ARL10: variants seen among roughly 807,000 people sequenced by gnomAD.
The protein encoded by ARL10 is ADP-ribosylation factor-like protein 10.
In ARL10, 23 loss-of-function variants were observed where a neutral mutation model predicts 26.1. The ratio of observed to expected loss-of-function variants is 0.88; its 90% confidence interval spans 0.63 to 1.25. The LOEUF is 1.25. Among genes scored for constraint, ARL10 ranks in the 50% most tolerant of loss-of-function variants. ARL10 has a pLI of 0.00. For missense variants in ARL10, 300 were observed against 323.6 expected (o/e 0.93, Z 0.56); for synonymous variants, 138 against 149.1 (o/e 0.93, Z 0.54).
At chr5:176,366,070 G>T (rs1221973003) in intron 1 of ARL10, among the ~76,000 whole-genome samples, 2 of 152,160 alleles carry the variant, frequency 1.3e-5, no homozygotes, top group African/African-American at 4.8e-5. Context: ...GTCGGCTCGC[G>T]CCCCTCCGGC....
chr5:176,410,115 A>T, the ARL10 span: 1 of 709,552 alleles, frequency 1.4e-6, no homozygotes. Flanking sequence ...AATTCCAAAA[A>T]CCTTTCTCTA....
chr5:176,414,376 C>T, the ARL10 span, among the ~76,000 whole-genome samples: 6 of 152,182 alleles, frequency 3.9e-5, no homozygotes, highest in Admixed American at 2.6e-4. Flanking sequence ...GGCAAAAGAC[C>T]CCATGCTTCT....
Position 176,373,881 on chromosome 5 carries a change from C to A in ARL10, c.*1986C>A, listed in dbSNP as rs1225538793. The A allele has an allele frequency of 6.6e-6, 1 of 152,176 alleles. No homozygotes were observed. Among genetic ancestry groups the A allele is most frequent in the East Asian group, 1.9e-4 (1 of 5,198 alleles). The allele number at this position is 152,176 out of a possible 1,614,324, so 9.4% of individuals were successfully genotyped here. On this transcript the variant is annotated 3_prime_UTR_variant, in exon 4 of 4. Coordinates refer to ENST00000310389, the MANE Select transcript of ARL10 (RefSeq NM_173664.6). ...TTGAAGGCAAAAAAACCTTAGACAA[C>A]TTTAACGAAGTTTAAAAAGTATGTT...
At chr5:176,366,046 C>A (rs1225464711) in intron 1 of ARL10, among the ~76,000 whole-genome samples, 1 of 152,172 alleles carries the variant, frequency 6.6e-6, no homozygotes, top group East Asian at 1.9e-4. Context: ...GGGAGCATCC[C>A]GGGGCCCAGC....
rs1265736926 is a variant in ARL10, at chr5:176,376,152, G to A, written c.*4257G>A. On this transcript the variant is annotated 3_prime_UTR_variant, in exon 4 of 4. Transcript: ENST00000310389. ...TGAGGTGGACGGATCACGAGGTCAG[G>A]AGATCGAGACAATCCTGGCTAACAC... The A allele has an allele frequency of 1.3e-5, 2 of 152,208 alleles. No homozygotes were observed. The highest frequency in any genetic ancestry group is 2.9e-5 in the Non-Finnish European group (2 of 68,062). 9.4% of individuals were successfully genotyped at this position (152,208 alleles called of 1,614,324 possible). A position where few individuals can be genotyped will look rare whatever the true frequency, so the allele number is the denominator to read the frequency against.
downstream of ARL10, chr5:176,384,610 G>A (rs548707779): frequency 8.9e-4 from 490 of 551,482 alleles, no homozygotes; most frequent in Non-Finnish European, 1.3e-3. Context: ...AACCCAGTGA[G>A]ACCCTGTCTC....
Position 176,388,412 on chromosome 5 carries a change from C to A in ARL10, c.154C>A (p.Pro52Thr), listed in dbSNP as rs1219070681. The change falls in exon 2 of 2, where the codon CCG (proline) becomes ACG (threonine). Residue 52 changes from proline (P) to threonine (T), a missense_variant. Transcript: ENST00000503175. ...CGTCCCGGCCGAGGCCCACGGCCAC[C>A]CGGAACCCCAGCCCCCTCACCATTC... The A allele has an allele frequency of 1.9e-6, 3 of 1,613,690 alleles. No individual in the cohort carries two copies. In the Admixed American group the frequency reaches 5.0e-5, roughly 27 times the overall value.
downstream of ARL10, chr5:176,385,156 G>A (rs775246053): frequency 4.6e-6 from 4 of 873,944 alleles, no homozygotes; most frequent in East Asian, 2.4e-5. Flanking sequence ...TGCTGCGCAA[G>A]CAGATCAAGC....
chr5:176,375,163 T>TCCAC lies in ARL10; in HGVS notation c.*3284_*3287dup, dbSNP rs1234967975. 32 of 46,022 alleles carry TCCAC rather than the reference T, an allele frequency of 7.0e-4. No individual in the cohort carries two copies. Among genetic ancestry groups the TCCAC allele is most frequent in the Non-Finnish European group, 9.7e-4 (22 of 22,724 alleles). 2.9% of individuals were successfully genotyped at this position (46,022 alleles called of 1,614,324 possible). A position where few individuals can be genotyped will look rare whatever the true frequency, so the allele number is the denominator to read the frequency against. ...ACCCATCCACCCACCCACCCATCCA[T>TCCAC]CCACCCACCCACCCACCCATCCACC... On this transcript the variant is annotated 3_prime_UTR_variant, in exon 4 of 4. Transcript: ENST00000310389.
downstream of ARL10, chr5:176,388,639 C>G (rs1581414102): frequency 7.4e-7 from 1 of 1,359,392 alleles, no homozygotes; most frequent in East Asian, 2.3e-5. Context: ...GCTTTGCGGG[C>G]ATTTGGGGAA....
chr5:176,386,806 C>G (rs541727570), downstream of ARL10: 32 of 1,588,692 alleles, frequency 2.0e-5, 1 homozygote, highest in South Asian at 3.3e-4. Flanking sequence ...CAGTGCAGGA[C>G]AGTGACCTAA....
chr5:176,367,002 C>CTTTTT (rs67066126), intron 2 of ARL10, among the ~76,000 whole-genome samples: 54 of 106,520 alleles, frequency 5.1e-4, no homozygotes, highest in Non-Finnish European at 6.0e-4. Flanking sequence ...CCTTTCTAGT[C>CTTTTT]TTTTTTTTTT....
At chr5:176,411,015 G>GCAAGGTGCA in the ARL10 span, among the ~76,000 whole-genome samples, 2 of 152,158 alleles carry the variant, frequency 1.3e-5, no homozygotes, top group Non-Finnish European at 2.9e-5. Context: ...CCCAGCCCAG[G>GCAAGGTGCA]ACCTCACCAC....
rs1230629171 is a variant in ARL10 at position 176,380,423 on chromosome 5, A to G, written c.*8528A>G. 3 of 150,762 alleles carry G rather than the reference A, an allele frequency of 2.0e-5. No homozygotes were observed. The highest frequency in any genetic ancestry group is 4.4e-5 in the Non-Finnish European group (3 of 67,846). The allele number at this position is 150,762 out of a possible 1,614,324, so 9.3% of individuals were successfully genotyped here. A position where few individuals can be genotyped will look rare whatever the true frequency, so the allele number is the denominator to read the frequency against. On this transcript the variant is annotated 3_prime_UTR_variant, in exon 4 of 4. Coordinates refer to ENST00000310389, the MANE Select transcript of ARL10 (RefSeq NM_173664.6). ...ATTTTAATTCTAAGTTGTTCCTAGTAAGGTTAACCTGTTTTTCTAAAAACA... is the reference window on the plus strand; with the variant it reads ...ATTTTAATTCTAAGTTGTTCCTAGTGAGGTTAACCTGTTTTTCTAAAAACA...
chr5:176,368,085 G>C lies in ARL10; in HGVS notation c.386-722G>C, dbSNP rs1236754026. 2.0e-6 allele frequency: 1 copy of C among 499,204 alleles called. No individual in the cohort carries two copies. The highest frequency in any genetic ancestry group is 1.4e-5 in the South Asian group (1 of 70,418). The allele number at this position is 499,204 out of a possible 1,614,324, so 30.9% of individuals were successfully genotyped here. A position where few individuals can be genotyped will look rare whatever the true frequency, so the allele number is the denominator to read the frequency against. On this transcript the variant is annotated intron_variant, in intron 2 of 3. Coordinates refer to ENST00000310389, the MANE Select transcript of ARL10 (RefSeq NM_173664.6). The surrounding 1 kb of genome is among the most constrained non-coding windows in gnomAD (Gnocchi z 4.1). ...GACTCTCACAGCTTAGAATCCTCAA[G>C]TGTCAGAAACATAGCCAGAAACACT...
chr5:176,392,794 G>GCTT (rs1756317001), downstream of ARL10: 1 of 1,614,112 alleles, frequency 6.2e-7, no homozygotes, highest in African/African-American at 1.3e-5. This position sits in a 1 kb window ranked among gnomAD's most constrained non-coding sequence, Gnocchi z 5.2. Context: ...AGTGGCGTCT[G>GCTT]CTTCAGGGAC....
At chr5:176,404,644 T>G (rs7703742), downstream of ARL10, among the ~76,000 whole-genome samples, 1 of 152,006 alleles carries the variant, frequency 6.6e-6, no homozygotes, top group Admixed American at 6.5e-5. Flanking sequence ...CTGGCCAAAC[T>G]GGGCCCACAT....
chr5:176,410,141 G>A, the ARL10 span: 1 of 877,672 alleles, frequency 1.1e-6, no homozygotes, highest in East Asian at 2.5e-5. Flanking sequence ...CCACCCCAAT[G>A]CATCAGACAT....
chr5:176,384,021 C>T (rs1014924102), downstream of ARL10: 19 of 1,538,962 alleles, frequency 1.2e-5, no homozygotes, highest in African/African-American at 4.1e-5. Flanking sequence ...CTGGCTTTTC[C>T]GTGAACCCCC....
Sources: gnomAD v4.1 joint callset for allele counts (sites outside exome capture counted in the v4.1 genomes callset) on GRCh38, gnomAD v4.1.1 for gene constraint, Gnocchi (gnomAD v3.1) non-coding constraint, MANE v1.5 for transcripts, NCBI Gene and HGNC (gene_info 2026-07-23, HGNC 2026-07-21) for gene names.